Variants in TBC1D7 observed in about 807,000 individuals in gnomAD.
TBC1D7 encodes the protein TBC domain family 7.
In TBC1D7, 33 loss-of-function variants were observed where a neutral mutation model predicts 35.3. The ratio of observed to expected loss-of-function variants is 0.93; its 90% CI spans 0.71 to 1.25. The LOEUF (loss-of-function observed/expected upper bound fraction) is 1.25. Among genes scored for constraint, TBC1D7 ranks in the 50% most tolerant of loss-of-function variants. The probability of loss-of-function intolerance (pLI) is 0.00; values close to 1 mark genes in which losing one functional copy is unlikely to be tolerated. For missense variants in TBC1D7, 362 were observed against 365.3 expected (o/e 0.99, Z 0.07); for synonymous variants, 135 against 129.5 (o/e 1.04, Z -0.29).
At chr6:13,313,995 G>A (rs111305113) in intron 5 of TBC1D7, among the ~76,000 whole-genome samples, 2,658 of 152,208 alleles carry the variant, frequency 0.017, 74 homozygotes, top group African/African-American at 0.06. Context: ...GGCCGAGGGG[G>A]CGGATCACAA....
intron 5 of TBC1D7, among the ~76,000 whole-genome samples, chr6:13,311,934 G>GATATAA (rs70989850): frequency 0.3 from 45,184 of 149,176 alleles, 7,138 homozygotes; most frequent in South Asian, 0.45. Context: ...AAGAGATATA[G>GATATAA]ATATAAATAT....
In TBC1D7 at chr6:13,326,769, A is replaced by G; in HGVS notation, c.112+18T>C. Reference sequence around the variant, plus strand: ...GAGTGATTGAGAACCAATGAGATTAATTTTTAAAAGTACTCACCCAGACGG... The same window carrying G: ...GAGTGATTGAGAACCAATGAGATTAGTTTTTAAAAGTACTCACCCAGACGG... On this transcript the variant is annotated intron_variant, in intron 2 of 7. Transcript: ENST00000379300. 1.3e-6 allele frequency: 2 copies of G among 1,518,302 alleles called. No individual in the cohort carries two copies. Among genetic ancestry groups the G allele is most frequent in the Non-Finnish European group, 1.8e-6 (2 of 1,098,206 alleles). 94.1% of individuals were successfully genotyped at this position (1,518,302 alleles called of 1,614,324 possible). A position where few individuals can be genotyped will look rare whatever the true frequency, so the allele number is the denominator to read the frequency against.
At chr6:13,322,134 G>A (rs563250872) in intron 3 of TBC1D7, among the ~76,000 whole-genome samples, 9 of 152,170 alleles carry the variant, frequency 5.9e-5, no homozygotes, top group African/African-American at 1.7e-4. Flanking sequence ...CCAGCTACCC[G>A]GGAGGCTGAA....
intron 5 of TBC1D7, among the ~76,000 whole-genome samples, chr6:13,310,785 T>C (rs1783155711): frequency 6.6e-6 from 1 of 152,126 alleles, no homozygotes; most frequent in African/African-American, 2.4e-5. Flanking sequence ...GGGAAGAATG[T>C]GTACTGTATG....
intron 1 of TBC1D7, among the ~76,000 whole-genome samples, chr6:13,327,240 A>G (rs1046529638): frequency 5.3e-5 from 8 of 152,126 alleles, no homozygotes; most frequent in African/African-American, 1.9e-4. Context: ...ATGCGCAAAG[A>G]AAAAAAATAA....
chr6:13,306,554 A>G, intron 6 of TBC1D7, 27 bp from the exon 7 acceptor site: 1 of 1,540,432 alleles, frequency 6.5e-7, no homozygotes, highest in Non-Finnish European at 8.8e-7. Context: ...ATATAATCAA[A>G]TTATATGAGT....
At position 13,321,089 on chromosome 6, in the gene TBC1D7, A is replaced by C. The variant is rs543580; in HGVS notation, c.200T>G (p.Leu67Trp). 3.3e-3 allele frequency: 5,280 copies of C among 1,612,476 alleles called. 146 individuals carry two copies. In the African/African-American group the frequency reaches 0.057, roughly 17 times the overall value. The change falls in exon 4 of 8, where the codon TTG becomes TGG. Residue 67 changes from leucine to tryptophan, a missense_variant. Coordinates refer to ENST00000379300, the MANE Select transcript of TBC1D7 (RefSeq NM_016495.6). ...GGCATGGGACTCGTGGTGTGGAGGCAAGATTCCTAGAGAGAACAGGAAAAA... is the reference window on the plus strand; with the variant it reads ...GGCATGGGACTCGTGGTGTGGAGGCCAGATTCCTAGAGAGAACAGGAAAAA... ...ALVWKVLLGI[L>W]PPHHESHAKV...
At chr6:13,319,457 T>C (rs1243734897) in intron 4 of TBC1D7, 2 of 130,282 alleles carry the variant, frequency 1.5e-5, no homozygotes, top group Non-Finnish European at 3.2e-5. Context: ...AAAAACTCTG[T>C]CTCAAAAAAA....
chr6:13,306,236 C>T, intron 7 of TBC1D7, 162 bp downstream of exon 7: 34 of 518,362 alleles, frequency 6.6e-5, no homozygotes, highest in South Asian at 2.4e-4. Flanking sequence ...AAATAATTTC[C>T]CTAAAATAAT....
In TBC1D7 at chr6:13,305,156, C is replaced by T. The variant is rs1443347540; in HGVS notation, c.827G>A (p.Ser276Asn). The T allele has an allele frequency of 6.2e-7, 1 of 1,614,122 alleles. No individual in the cohort carries two copies. Among genetic ancestry groups the T allele is most frequent in the East Asian group, 2.2e-5 (1 of 44,870 alleles). Reference protein sequence around the residue: ...IPQDSSDAIVSKAIDLWHKHC... With the variant: ...IPQDSSDAIVNKAIDLWHKHC... ...TTTGTGCCACAAGTCAATGGCCTTGCTCACGATCGCGTCTGAGCTGTCCTG... is the reference window on the plus strand; with the variant it reads ...TTTGTGCCACAAGTCAATGGCCTTGTTCACGATCGCGTCTGAGCTGTCCTG... The change falls in exon 8 of 8, where the codon AGC becomes AAC. Residue 276 changes from serine (S) to asparagine (N), a missense_variant. Transcript: ENST00000379300.
At chr6:13,311,334 A>G (rs1324130100) in intron 5 of TBC1D7, among the ~76,000 whole-genome samples, 1 of 152,254 alleles carries the variant, frequency 6.6e-6, no homozygotes, top group Non-Finnish European at 1.5e-5. Context: ...ATTCAATTTG[A>G]AAAGCTTGTA....
At chr6:13,306,081 A>C (rs1782787912) in intron 7 of TBC1D7, 1 of 216,984 alleles carries the variant, frequency 4.6e-6, no homozygotes, top group Non-Finnish European at 9.1e-6. Flanking sequence ...ACTTTAGGCC[A>C]AACTTTTTCA....
intron 4 of TBC1D7, chr6:13,319,297 TAAA>T (rs1783855482): frequency 6.6e-6 from 1 of 151,866 alleles, no homozygotes; most frequent in African/African-American, 2.4e-5. Flanking sequence ...CCATCTTTAC[TAAA>T]AATACAAAAA....
chr6:13,312,418 G>T (rs1783285576), intron 5 of TBC1D7, among the ~76,000 whole-genome samples: 1 of 152,138 alleles, frequency 6.6e-6, no homozygotes, highest in African/African-American at 2.4e-5. Context: ...CAGGCGTGGT[G>T]GCTCACACCT....
intron 2 of TBC1D7, among the ~76,000 whole-genome samples, chr6:13,326,228 C>A (rs528295754): frequency 6.6e-6 from 1 of 151,900 alleles, no homozygotes; most frequent in African/African-American, 2.4e-5. Context: ...TTTGGGAGGC[C>A]GAGGTGGGTG....
chr6:13,323,663 A>G (rs2458304), intron 3 of TBC1D7: 72,362 of 152,134 alleles, frequency 0.48, 19,043 homozygotes, highest in African/African-American at 0.69. Flanking sequence ...AAAAGTGCAC[A>G]GAGACTGCCA....
intron 2 of TBC1D7, among the ~76,000 whole-genome samples, chr6:13,325,968 G>A (rs1405784790): frequency 3.3e-5 from 5 of 152,148 alleles, no homozygotes; most frequent in African/African-American, 1.2e-4. Context: ...GAGAATACCA[G>A]ACATACTAAA....
intron 5 of TBC1D7, among the ~76,000 whole-genome samples, chr6:13,309,744 A>T (rs1562158734): frequency 6.6e-6 from 1 of 152,226 alleles, no homozygotes; most frequent in Non-Finnish European, 1.5e-5. Flanking sequence ...AGTTGAACTC[A>T]TACTGAATAC....
chr6:13,325,989 C>T (rs1158840712), intron 2 of TBC1D7, among the ~76,000 whole-genome samples: 1 of 152,146 alleles, frequency 6.6e-6, no homozygotes, highest in Admixed American at 6.5e-5. Flanking sequence ...GCAAAGACCG[C>T]ACAATTGAAG....
Sources: allele counts gnomAD v4.1 joint callset (sites outside exome capture counted in the v4.1 genomes callset), GRCh38; gene constraint gnomAD v4.1.1; transcripts MANE v1.5; gene names NCBI Gene and HGNC (gene_info 2026-07-23, HGNC 2026-07-21).